Variants in TOPBP1 observed in about 807,000 individuals in gnomAD.
The protein encoded by TOPBP1 is DNA topoisomerase II binding protein 1, also known as DNA topoisomerase 2-binding protein 1.
In TOPBP1, 28 loss-of-function variants were observed where a neutral mutation model predicts 167.7. The ratio of observed to expected loss-of-function variants is 0.17; its 90% CI spans 0.12 to 0.23. The LOEUF is 0.23. Among genes scored for constraint, TOPBP1 ranks in the 10% least tolerant of loss-of-function variants. The probability of loss-of-function intolerance (pLI) is 1.00; values close to 1 mark genes in which losing one functional copy is unlikely to be tolerated. For missense variants in TOPBP1, 1,554 were observed against 1,809.6 expected (o/e 0.86, Z 2.56); for synonymous variants, 598 against 611.4 (o/e 0.98, Z 0.32).
chr3:133,653,602 G>A, intron 6 of TOPBP1, 78 bp from the exon 7 acceptor site: 1 of 1,186,466 alleles, frequency 8.4e-7, no homozygotes, highest in Non-Finnish European at 1.1e-6. Flanking sequence ...TATCTTTGCA[G>A]AAATATTCAA....
In TOPBP1 at chr3:133,652,138, T is replaced by TAA. The variant is rs11447866; in HGVS notation, c.1089+323_1089+324dup. The stretch of plus-strand genomic sequence containing the variant: ...GAGTGAGACCCTAACTCAAAAAAAT[T>TAA]AAAAAAAAAAAATCCAATAAGTTGT... On this transcript the variant is annotated intron_variant, in intron 8 of 27. Coordinates refer to ENST00000260810, the MANE Select transcript of TOPBP1 (RefSeq NM_007027.4). Among the ~76,000 whole-genome samples the TAA allele has an allele frequency of 5.8e-4, 85 of 146,380 alleles. 2 individuals are homozygous for TAA. The highest frequency in any genetic ancestry group is 4.2e-4 in the Non-Finnish European group (28 of 66,366).
intron 13 of TOPBP1, among the ~76,000 whole-genome samples, chr3:133,638,553 TACAGG>T (rs1384080774): frequency 6.6e-6 from 1 of 152,176 alleles, no homozygotes; most frequent in Non-Finnish European, 1.5e-5. Context: ...AAATCTCAAT[TACAGG>T]TACTCAGAGT....
At chr3:133,660,897 T>C (rs375810981) in intron 2 of TOPBP1, 147 bp downstream of exon 2, 2 of 560,404 alleles carry the variant, frequency 3.6e-6, no homozygotes, top group South Asian at 3.3e-5. Flanking sequence ...TTCAAAAATA[T>C]GTGATAATGA....
chr3:133,634,424 G>A (rs561469082), intron 14 of TOPBP1, among the ~76,000 whole-genome samples: 21 of 152,202 alleles, frequency 1.4e-4, no homozygotes, highest in African/African-American at 5.1e-4. Context: ...CAGGAGAATC[G>A]CTTGAACCTA....
chr3:133,627,719 C>T (rs933385559), intron 16 of TOPBP1, among the ~76,000 whole-genome samples: 3 of 152,120 alleles, frequency 2.0e-5, no homozygotes, highest in Non-Finnish European at 2.9e-5. Context: ...GCAAGCATTA[C>T]AGCTAGTGGA....
At chr3:133,609,943 T>C (rs1046360392) in intron 25 of TOPBP1, among the ~76,000 whole-genome samples, 2 of 152,208 alleles carry the variant, frequency 1.3e-5, no homozygotes, top group Non-Finnish European at 2.9e-5. Flanking sequence ...CCAAACCTTA[T>C]GGGTGATTTT....
chr3:133,608,739 A>G, intron 26 of TOPBP1, 43 bp from the exon 27 acceptor site: 1 of 1,605,962 alleles, frequency 6.2e-7, no homozygotes, highest in Non-Finnish European at 8.5e-7. Context: ...CCAGTATTCC[A>G]AAGTAGTTCA....
chr3:133,659,153 G>A lies in TOPBP1; in HGVS notation c.85-3C>T. 1 of 1,547,030 alleles carries A rather than the reference G, an allele frequency of 6.5e-7. No individual in the cohort carries two copies. The highest frequency in any genetic ancestry group is 1.2e-5 in the South Asian group (1 of 82,170). ...TCTGATTGGAATTCTTTTATGGACT[G>A]AAAGAAAAAATAAAATAAGAATGTA... On this transcript the variant is annotated splice_region_variant and splice_polypyrimidine_tract_variant and intron_variant, in intron 2 of 27. Coordinates refer to ENST00000260810, the MANE Select transcript of TOPBP1 (RefSeq NM_007027.4).
intron 8 of TOPBP1, among the ~76,000 whole-genome samples, chr3:133,651,349 G>A (rs1936296893): frequency 6.6e-6 from 1 of 151,556 alleles, no homozygotes; most frequent in Non-Finnish European, 1.5e-5. Flanking sequence ...ACAACGCCCA[G>A]CTAATTTTTT....
At chr3:133,660,081 G>A (rs1936633528) in intron 2 of TOPBP1, among the ~76,000 whole-genome samples, 1 of 152,084 alleles carries the variant, frequency 6.6e-6, no homozygotes, top group Non-Finnish European at 1.5e-5. Context: ...ACTAAACTTG[G>A]ATAGAGACTA....
chr3:133,635,453 G>A (rs764389327), intron 14 of TOPBP1, among the ~76,000 whole-genome samples: 2 of 152,030 alleles, frequency 1.3e-5, no homozygotes, highest in Admixed American at 6.6e-5. Flanking sequence ...TGGCGGTCTC[G>A]CTATATTGCC....
chr3:133,646,849 C>T (rs1936092651), intron 10 of TOPBP1, among the ~76,000 whole-genome samples: 1 of 152,142 alleles, frequency 6.6e-6, no homozygotes, highest in Admixed American at 6.5e-5. Context: ...ATCTTTGAAA[C>T]ACTCTCACTA....
rs778218675 is a variant in TOPBP1, at chr3:133,640,165, T to C, written c.2027A>G (p.Gln676Arg). The C allele has an allele frequency of 3.7e-6, 6 of 1,611,732 alleles. No homozygotes were observed. The South Asian group carries it at 4.4e-5, about 12-fold the overall frequency. Residue 676 changes from glutamine (Q) to arginine (R), a missense_variant, in exon 13 of 28, where the codon CAA becomes CGA. Physicochemically the swap from Gln to Arg is conservative, Grantham distance 43. This residue lies in a region of TOPBP1 where 1,197 missense variants were observed against 1,351.5 expected (regional missense o/e 0.89). Transcript: ENST00000260810. ...FLANLLGASV[Q>R]EYFVRKSNAK... ...ATTGGATTTGCGAACAAAGTATTCTTGAACACTGAAATTTATGTTTAAAGA... is the reference window on the plus strand; with the variant it reads ...ATTGGATTTGCGAACAAAGTATTCTCGAACACTGAAATTTATGTTTAAAGA...
intron 8 of TOPBP1, among the ~76,000 whole-genome samples, chr3:133,650,285 T>C (rs1191476275): frequency 4.8e-5 from 7 of 147,150 alleles, no homozygotes; most frequent in Non-Finnish European, 1.0e-4. Context: ...AGCTTACTTG[T>C]AAATTTTAAA....
chr3:133,649,270 A>G, intron 10 of TOPBP1, 113 bp downstream of exon 10: 2 of 1,376,898 alleles, frequency 1.5e-6, no homozygotes, highest in African/African-American at 2.9e-5. Context: ...TTAAGGAAAG[A>G]AAAAGGTTAA....
Position 133,610,765 on chromosome 3 carries a change from G to C in TOPBP1, c.4173+239C>G, listed in dbSNP as rs372770024. ...TTTGATCTACAAATTCCTTTGAGAA[G>C]GTCTGTGGACTCAGGTCAAGAACCC... On this transcript the variant is annotated intron_variant, in intron 25 of 27. Transcript: ENST00000260810. Among the ~76,000 whole-genome samples the C allele has an allele frequency of 5.3e-5, 8 of 152,204 alleles. 1 individual carries two copies. Among genetic ancestry groups the C allele is most frequent in the East Asian group, 1.9e-4 (1 of 5,188 alleles).
At chr3:133,616,127 T>C (rs11710717) in intron 23 of TOPBP1, among the ~76,000 whole-genome samples, 2 of 120,492 alleles carry the variant, frequency 1.7e-5, no homozygotes, top group Admixed American at 8.1e-5. Flanking sequence ...TTTCCCTTTT[T>C]TTTTTTTTTT....
rs111425097 is a variant in TOPBP1, at chr3:133,640,094, G to A, written c.2098C>T (p.Arg700Cys). ...FASTHLILKERGGSKYEAAKK... is the reference protein window; with the variant it reads ...FASTHLILKECGGSKYEAAKK... ...GCAGCTTCATATTTAGAGCCACCAC[G>A]TTCTTTCAGTATAAGATGAGTACTG... The change falls in exon 13 of 28, where the codon CGT becomes TGT. Residue 700 changes from arginine to cysteine, a missense_variant. Physicochemically the swap from Arg to Cys is radical, Grantham distance 180 (BLOSUM62 -3). Transcript: ENST00000260810. 3.7e-6 allele frequency: 6 copies of A among 1,613,654 alleles called. No individual in the cohort carries two copies. The highest frequency in any genetic ancestry group is 5.1e-6 in the Non-Finnish European group (6 of 1,179,834).
intron 26 of TOPBP1, 57 bp from the exon 27 acceptor site, chr3:133,608,753 G>GTA: frequency 2.5e-6 from 4 of 1,592,804 alleles, no homozygotes; most frequent in Non-Finnish European, 3.4e-6. Context: ...TAGTTCAGCT[G>GTA]TATAATGTGT....
Sources: gnomAD v4.1 joint callset for allele counts (sites outside exome capture counted in the v4.1 genomes callset) on GRCh38, gnomAD v4.1.1 for gene constraint, gnomAD v4.1.1 regional missense constraint, MANE v1.5 for transcripts, NCBI Gene and HGNC (gene_info 2026-07-23, HGNC 2026-07-21) for gene names.